METTL4: variants seen among roughly 807,000 people sequenced by gnomAD.
METTL4 encodes the protein N(6)-adenine-specific methyltransferase METTL4.
Under a neutral mutation model 54.0 loss-of-function variants are expected in METTL4, and 40 were observed. The ratio of observed to expected loss-of-function variants is 0.74; its 90% CI spans 0.58 to 0.96. METTL4 has a LOEUF of 0.96. METTL4 is among the 50% of genes least tolerant of loss of function. METTL4 has a pLI of 0.00. For synonymous variants in METTL4, 169 were observed against 183.8 expected (o/e 0.92, Z 0.65); for missense variants, 525 against 549.0 (o/e 0.96, Z 0.44).
Position 2,554,783 on chromosome 18 carries a change from C to T in METTL4, c.715G>A (p.Glu239Lys), listed in dbSNP as rs183140092. The change falls in exon 4 of 9, where the codon GAA becomes AAA. Residue 239 changes from glutamate (E) to lysine (K), a missense_variant. Transcript: ENST00000574538. ...ACTTTTGTAAAGCTAGAGTTGTTTT[C>T]AACAACTCGCAAAAATAAATCCTGT... Reference protein sequence around the residue: ...TEQDLFLRVVENNSSFTKVIT... With the variant: ...TEQDLFLRVVKNNSSFTKVIT... 1.7e-5 allele frequency: 28 copies of T among 1,613,654 alleles called. No individual in the cohort carries two copies. The highest frequency in any genetic ancestry group is 1.7e-4 in the Middle Eastern group (1 of 6,044).
At chr18:2,558,209 A>ATGC (rs1405604337) in intron 3 of METTL4, among the ~76,000 whole-genome samples, 6 of 152,190 alleles carry the variant, frequency 3.9e-5, no homozygotes, top group African/African-American at 1.4e-4. Flanking sequence ...GATAACTCGT[A>ATGC]TGCTGGGCCA....
At chr18:2,560,439 T>C (rs1490268475) in intron 3 of METTL4, among the ~76,000 whole-genome samples, 1 of 152,206 alleles carries the variant, frequency 6.6e-6, no homozygotes. Flanking sequence ...GGAAAACTTC[T>C]AGCTTCCAAC....
chr18:2,548,644 T>A (rs1275541382), intron 5 of METTL4, among the ~76,000 whole-genome samples: 1 of 152,178 alleles, frequency 6.6e-6, no homozygotes, highest in African/African-American at 2.4e-5. Flanking sequence ...CTGGACCCTG[T>A]CATCACTCAC....
intron 2 of METTL4, among the ~76,000 whole-genome samples, chr18:2,565,489 C>T (rs1248500938): frequency 6.6e-6 from 1 of 151,804 alleles, no homozygotes; most frequent in Non-Finnish European, 1.5e-5. Context: ...TATACATGTA[C>T]CTGTGAACTT....
chr18:2,550,878 A>T (rs1271667750), intron 5 of METTL4, among the ~76,000 whole-genome samples: 1 of 152,204 alleles, frequency 6.6e-6, no homozygotes, highest in African/African-American at 2.4e-5. Context: ...TAAGGATATT[A>T]TATCAGCCGG....
chr18:2,550,285 T>C (rs1229167628), intron 5 of METTL4, among the ~76,000 whole-genome samples: 1 of 152,126 alleles, frequency 6.6e-6, no homozygotes, highest in Non-Finnish European at 1.5e-5. Context: ...TCTAATTTCA[T>C]GGAAATCACT....
chr18:2,552,849 T>G, intron 4 of METTL4, 85 bp from the exon 5 acceptor site: 1 of 824,678 alleles, frequency 1.2e-6, no homozygotes, highest in Non-Finnish European at 2.0e-6. Flanking sequence ...ACTCAAGTGA[T>G]TTCACTACGG....
intron 2 of METTL4, among the ~76,000 whole-genome samples, chr18:2,564,913 T>C (rs1330765625): frequency 6.6e-6 from 1 of 152,214 alleles, no homozygotes; most frequent in Non-Finnish European, 1.5e-5. Context: ...CAACATACTA[T>C]TTTACTAAGA....
intron 3 of METTL4, among the ~76,000 whole-genome samples, chr18:2,563,453 G>A (rs907599756): frequency 6.6e-6 from 1 of 151,780 alleles, no homozygotes; most frequent in African/African-American, 2.4e-5. Flanking sequence ...AATTAGCAGG[G>A]CATGGTGGCA....
At position 2,566,973 on chromosome 18, in the gene METTL4, A is replaced by T; in HGVS notation, c.244T>A (p.Phe82Ile). The T allele has an allele frequency of 6.2e-7, 1 of 1,614,170 alleles. No homozygotes were observed. Among genetic ancestry groups the T allele is most frequent in the Non-Finnish European group, 8.5e-7 (1 of 1,180,016 alleles). ...ENDDGGNYEM[F>I]TRKFVFRPEL... The stretch of plus-strand genomic sequence containing the variant: ...GGTCGAAAAACAAATTTTCGTGTGA[A>T]CATTTCATAATTTCCTCCATCATCA... Residue 82 changes from phenylalanine (F) to isoleucine (I), a missense_variant, in exon 2 of 9, where the codon TTC (phenylalanine) becomes ATC (isoleucine). Phe to Ile is a conservative substitution (Grantham distance 21). Coordinates refer to ENST00000574538, the MANE Select transcript of METTL4 (RefSeq NM_022840.5).
At chr18:2,565,196 T>C (rs1598356627) in intron 2 of METTL4, among the ~76,000 whole-genome samples, 1 of 152,028 alleles carries the variant, frequency 6.6e-6, no homozygotes, top group East Asian at 1.9e-4. Flanking sequence ...GGAGAATTGC[T>C]TGAACCTGAG....
At chr18:2,543,184 T>A (rs1038842579) in intron 8 of METTL4, among the ~76,000 whole-genome samples, 1 of 151,896 alleles carries the variant, frequency 6.6e-6, no homozygotes, top group African/African-American at 2.4e-5. Flanking sequence ...AAATCCTAAG[T>A]GCTAGCAATA....
intron 3 of METTL4, among the ~76,000 whole-genome samples, chr18:2,559,533 T>C (rs572051654): frequency 6.6e-6 from 1 of 152,322 alleles, no homozygotes; most frequent in Admixed American, 6.5e-5. Context: ...TTAGTGCCAC[T>C]AAATTGTACA....
chr18:2,559,046 G>A (rs2072277882), intron 3 of METTL4, among the ~76,000 whole-genome samples: 2 of 152,154 alleles, frequency 1.3e-5, no homozygotes, highest in Admixed American at 1.3e-4. Context: ...CACTGTGGAA[G>A]GCAGTATGGT....
Position 2,546,449 on chromosome 18 carries a change from G to A in METTL4, c.1074+906C>T, listed in dbSNP as rs574571411. On this transcript the variant is annotated intron_variant, in intron 6 of 8. Coordinates refer to ENST00000574538, the MANE Select transcript of METTL4 (RefSeq NM_022840.5). ...GGGTTCAGTACCATCCATGGTTTCA[G>A]GCATCCATTAGGGGTCCTGGAATGT... Among the ~76,000 whole-genome samples the A allele has an allele frequency of 1.1e-3, 160 of 152,024 alleles. 2 individuals carry two copies. The highest frequency in any genetic ancestry group is 1.5e-3 in the Non-Finnish European group (99 of 67,964).
At chr18:2,568,849 T>C (rs1567987195) in intron 1 of METTL4, 1 of 217,196 alleles carries the variant, frequency 4.6e-6, no homozygotes, top group Admixed American at 4.1e-5. Context: ...GGGATGATAA[T>C]TGGGCCTTCA....
intron 6 of METTL4, among the ~76,000 whole-genome samples, chr18:2,545,798 A>C (rs1034802167): frequency 6.6e-6 from 1 of 152,044 alleles, no homozygotes; most frequent in African/African-American, 2.4e-5. Flanking sequence ...TTTTATACTC[A>C]ATGCACATTA....
intron 3 of METTL4, among the ~76,000 whole-genome samples, chr18:2,556,294 G>A (rs538886884): frequency 1.4e-5 from 2 of 146,710 alleles, no homozygotes; most frequent in East Asian, 2.0e-4. Context: ...GCATTGCCTC[G>A]GCAATTGGGA....
chr18:2,562,824 A>G (rs1488790091), intron 3 of METTL4, among the ~76,000 whole-genome samples: 2 of 152,126 alleles, frequency 1.3e-5, no homozygotes, highest in Admixed American at 6.5e-5. Flanking sequence ...GGATGATGAA[A>G]AAGTACTAGA....
Sources: gnomAD v4.1 joint callset for allele counts (sites outside exome capture counted in the v4.1 genomes callset) on GRCh38, gnomAD v4.1.1 for gene constraint, MANE v1.5 for transcripts, NCBI Gene and HGNC (gene_info 2026-07-23, HGNC 2026-07-21) for gene names.